Variants in SPECC1 observed in about 807,000 individuals in gnomAD.
SPECC1 encodes the protein cytospin-B.
In SPECC1, 62 loss-of-function variants were observed where a neutral mutation model predicts 104.1. That is an observed-to-expected ratio of 0.60 (90% CI 0.49 to 0.74). The LOEUF (loss-of-function observed/expected upper bound fraction) is 0.74. Among genes scored for constraint, SPECC1 ranks in the 30% least tolerant of loss-of-function variants. The pLI is 0.00. For synonymous variants in SPECC1, 513 were observed against 501.6 expected (o/e 1.02, Z -0.30); for missense variants, 1,306 against 1,310.5 (o/e 1.00, Z 0.05).
At chr17:20,194,609 C>T (rs377328984) in intron 3 of SPECC1, among the ~76,000 whole-genome samples, 7 of 146,550 alleles carry the variant, frequency 4.8e-5, no homozygotes, top group East Asian at 2.0e-4. Context: ...CAGGTTCAAG[C>T]GATTCCCCTG....
intron 1 of SPECC1, among the ~76,000 whole-genome samples, chr17:20,089,488 C>T (rs1224973433): frequency 1.3e-5 from 2 of 151,618 alleles, no homozygotes; most frequent in Admixed American, 6.6e-5. Flanking sequence ...ATTAGCCAGG[C>T]GTGGTGACAC....
intron 1 of SPECC1, among the ~76,000 whole-genome samples, chr17:20,037,832 T>C (rs182289842): frequency 6.6e-6 from 1 of 152,294 alleles, no homozygotes; most frequent in East Asian, 1.9e-4. Flanking sequence ...AAATAATTTG[T>C]CGTTTTTATT....
intron 3 of SPECC1, among the ~76,000 whole-genome samples, chr17:20,114,930 C>A (rs1397471350): frequency 1.3e-5 from 2 of 152,122 alleles, no homozygotes; most frequent in Non-Finnish European, 2.9e-5. Flanking sequence ...TTTTCATAAT[C>A]AACATTTGCC....
chr17:20,262,875 TAAAAA>T (rs1448452147), intron 12 of SPECC1, among the ~76,000 whole-genome samples: 2 of 152,040 alleles, frequency 1.3e-5, no homozygotes, highest in Non-Finnish European at 2.9e-5. Context: ...CACTTTATGT[TAAAAA>T]AGAAAAAGAA....
Position 20,015,584 on chromosome 17 carries a change from AT to A in SPECC1, c.-22+6178del, listed in dbSNP as rs1222758913. ...CATATTTTTAACTTTCCGGGTCTCT[AT>A]TTTTTTTTTTTTTTTTTGAGGTGGA... On this transcript the variant is annotated intron_variant, in intron 1 of 14. Coordinates refer to ENST00000395527, the MANE Select transcript of SPECC1 (RefSeq NM_001243439.2). Among the ~76,000 whole-genome samples the A allele has an allele frequency of 5.2e-3, 530 of 102,074 alleles. 1 individual carries two copies. Among genetic ancestry groups the A allele is most frequent in the South Asian group, 0.012 (36 of 3,010 alleles). The allele number at this position is 102,074 out of a possible 152,430, so 67.0% of individuals were successfully genotyped here. A position where few individuals can be genotyped will look rare whatever the true frequency, so the allele number is the denominator to read the frequency against.
intron 3 of SPECC1, among the ~76,000 whole-genome samples, chr17:20,159,506 G>C (rs1016158285): frequency 1.3e-5 from 2 of 152,194 alleles, no homozygotes; most frequent in Non-Finnish European, 2.9e-5. Flanking sequence ...CGTTGAGATT[G>C]CACCATCTTT....
chr17:20,279,319 T>G (rs2040681392), intron 12 of SPECC1, among the ~76,000 whole-genome samples: 1 of 149,800 alleles, frequency 6.7e-6, no homozygotes, highest in South Asian at 2.1e-4. Flanking sequence ...CTTTTTTTTT[T>G]TTTCTTTTTT....
chr17:20,303,920 T>G (rs2041673835), intron 13 of SPECC1, among the ~76,000 whole-genome samples: 1 of 151,660 alleles, frequency 6.6e-6, no homozygotes, highest in Non-Finnish European at 1.5e-5. Flanking sequence ...GCCACTGCAC[T>G]CCAGCCTGGG....
intron 1 of SPECC1, among the ~76,000 whole-genome samples, chr17:20,075,059 C>T (rs1567825898): frequency 6.6e-6 from 1 of 152,078 alleles, no homozygotes; most frequent in Non-Finnish European, 1.5e-5. Context: ...CATGCCATCA[C>T]ACCCAGCTAA....
chr17:20,184,412 T>A (rs2035123160), intron 3 of SPECC1, among the ~76,000 whole-genome samples: 1 of 152,186 alleles, frequency 6.6e-6, no homozygotes, highest in Non-Finnish European at 1.5e-5. Context: ...ATACATTCTT[T>A]CCAGGCTGTT....
At chr17:20,277,526 C>T (rs1186765253) in intron 12 of SPECC1, among the ~76,000 whole-genome samples, 2 of 152,006 alleles carry the variant, frequency 1.3e-5, no homozygotes, top group Non-Finnish European at 2.9e-5. Context: ...TCCCTTTAGC[C>T]TTATAGTTCT....
intron 3 of SPECC1, among the ~76,000 whole-genome samples, chr17:20,183,511 C>T (rs2151242649): frequency 6.6e-6 from 1 of 152,274 alleles, no homozygotes; most frequent in Middle Eastern, 3.4e-3. Flanking sequence ...CAGTCATCCT[C>T]AGTATCCTTG....
chr17:20,085,282 T>C (rs1195446632), intron 1 of SPECC1, among the ~76,000 whole-genome samples: 5 of 152,208 alleles, frequency 3.3e-5, no homozygotes, highest in Non-Finnish European at 5.9e-5. Context: ...CTGTGCTCTT[T>C]GAGGGTCGGG....
intron 1 of SPECC1, among the ~76,000 whole-genome samples, chr17:20,082,846 C>T (rs1306715631): frequency 1.3e-5 from 2 of 152,046 alleles, no homozygotes; most frequent in Admixed American, 1.3e-4. Flanking sequence ...ACAGTTCAGC[C>T]CATGACTAGA....
chr17:20,053,566 C>G (rs1402380635), intron 1 of SPECC1, among the ~76,000 whole-genome samples: 1 of 152,122 alleles, frequency 6.6e-6, no homozygotes, highest in African/African-American at 2.4e-5. Context: ...TTCCTCCTTG[C>G]TCTCTCTCTC....
intron 3 of SPECC1, among the ~76,000 whole-genome samples, chr17:20,175,464 T>G (rs2034410133): frequency 6.6e-6 from 1 of 152,230 alleles, no homozygotes; most frequent in Non-Finnish European, 1.5e-5. Context: ...GTATTGGATC[T>G]TTTCAGTCCT....
intron 9 of SPECC1, among the ~76,000 whole-genome samples, chr17:20,248,601 G>C (rs1232400575): frequency 6.6e-6 from 1 of 152,048 alleles, no homozygotes; most frequent in African/African-American, 2.4e-5. Flanking sequence ...ATAATATCTT[G>C]TTTTACTTTA....
At chr17:20,225,772 G>T (rs975044060) in intron 4 of SPECC1, among the ~76,000 whole-genome samples, 1 of 152,158 alleles carries the variant, frequency 6.6e-6, no homozygotes, top group African/African-American at 2.4e-5. Context: ...GCTTTCTTAC[G>T]TGGATAGCAG....
chr17:20,175,472 C>T (rs1419710912), intron 3 of SPECC1, among the ~76,000 whole-genome samples: 1 of 152,038 alleles, frequency 6.6e-6, no homozygotes, highest in Non-Finnish European at 1.5e-5. Context: ...TCTTTTCAGT[C>T]CTCTATGTCT....
Sources: gnomAD v4.1 joint callset for allele counts (sites outside exome capture counted in the v4.1 genomes callset) on GRCh38, gnomAD v4.1.1 for gene constraint, MANE v1.5 for transcripts, NCBI Gene and HGNC (gene_info 2026-07-23, HGNC 2026-07-21) for gene names.